Variants in SGIP1 observed in about 807,000 individuals in gnomAD.
The protein encoded by SGIP1 is SH3-containing GRB2-like protein 3-interacting protein 1.
In SGIP1, 38 loss-of-function variants were observed where a neutral mutation model predicts 107.5. The ratio of observed to expected loss-of-function variants is 0.35; its 90% CI spans 0.27 to 0.46. The LOEUF is 0.46. SGIP1 is among the 20% of genes least tolerant of loss of function. The pLI, the probability that SGIP1 is intolerant of heterozygous loss-of-function variation, is 1.00. For missense variants in SGIP1, 929 were observed against 1,019.5 expected (o/e 0.91, Z 1.21); for synonymous variants, 365 against 366.1 (o/e 1.00, Z 0.03).
intron 17 of SGIP1, chr1:66,694,628 G>C (rs2090516280): frequency 7.6e-6 from 5 of 654,766 alleles, no homozygotes; most frequent in Middle Eastern, 5.1e-4. Context: ...CCTCTCAGAT[G>C]CACCCTGTAT....
intron 18 of SGIP1, among the ~76,000 whole-genome samples, chr1:66,699,871 G>A (rs1177111732): frequency 6.6e-6 from 1 of 152,162 alleles, no homozygotes; most frequent in African/African-American, 2.4e-5. Context: ...GGAGCATAGT[G>A]AGGGTTGCAG....
At chr1:66,632,921 T>G in intron 2 of SGIP1, 149 bp from the exon 3 acceptor site, 1 of 693,168 alleles carries the variant, frequency 1.4e-6, no homozygotes, top group Non-Finnish European at 2.6e-6. Flanking sequence ...ACCAATTTGT[T>G]TTGATTTAGT....
intron 7 of SGIP1, among the ~76,000 whole-genome samples, chr1:66,650,665 C>A (rs753863357): frequency 1.8e-4 from 27 of 152,314 alleles, no homozygotes; most frequent in Non-Finnish European, 3.2e-4. Context: ...TCTGACACAT[C>A]TGCACCATGT....
intron 12 of SGIP1, among the ~76,000 whole-genome samples, chr1:66,675,295 G>A (rs1048085406): frequency 3.3e-5 from 5 of 152,190 alleles, no homozygotes; most frequent in East Asian, 3.9e-4. Context: ...AAAACAGAGC[G>A]AAGTCCACCT....
chr1:66,610,172 G>T (rs144272796), intron 1 of SGIP1, among the ~76,000 whole-genome samples: 222 of 152,238 alleles, frequency 1.5e-3, no homozygotes, highest in African/African-American at 5.1e-3. Flanking sequence ...TATATTTAGT[G>T]TAGAAGTAGA....
At chr1:66,542,091 G>A (rs1357798700) in intron 1 of SGIP1, among the ~76,000 whole-genome samples, 1 of 151,740 alleles carries the variant, frequency 6.6e-6, no homozygotes, top group East Asian at 1.9e-4. Context: ...AACCCTATAT[G>A]CACTATGCTT....
chr1:66,595,798 G>A (rs1323124488), intron 1 of SGIP1, among the ~76,000 whole-genome samples: 2 of 152,180 alleles, frequency 1.3e-5, no homozygotes, highest in Non-Finnish European at 2.9e-5. Flanking sequence ...AGGGCATTAT[G>A]TTGTGTTGAA....
intron 21 of SGIP1, among the ~76,000 whole-genome samples, chr1:66,735,335 C>T (rs2094186539): frequency 6.6e-6 from 1 of 152,206 alleles, no homozygotes; most frequent in African/African-American, 2.4e-5. Context: ...CCTGCCTCAG[C>T]CTCCCAAGTA....
intron 19 of SGIP1, among the ~76,000 whole-genome samples, chr1:66,727,753 G>T (rs1224055676): frequency 6.6e-6 from 1 of 152,104 alleles, no homozygotes; most frequent in African/African-American, 2.4e-5. Context: ...ATAATTATGT[G>T]CAGTGAAAGA....
chr1:66,553,985 T>G (rs935834969), intron 1 of SGIP1, among the ~76,000 whole-genome samples: 13 of 152,110 alleles, frequency 8.5e-5, no homozygotes, highest in African/African-American at 3.1e-4. Flanking sequence ...CAGGCCTCAT[T>G]TATTCATTGC....
chr1:66,597,565 A>G (rs913389215), intron 1 of SGIP1, among the ~76,000 whole-genome samples: 5 of 152,202 alleles, frequency 3.3e-5, no homozygotes, highest in African/African-American at 1.2e-4. Context: ...CTTAGCCCTG[A>G]TTCTCCAGTC....
intron 19 of SGIP1, among the ~76,000 whole-genome samples, chr1:66,725,018 A>G (rs945069486): frequency 1.3e-5 from 2 of 152,208 alleles, no homozygotes; most frequent in African/African-American, 4.8e-5. Flanking sequence ...CAAGGTTCAG[A>G]ACCAATTTGG....
At chr1:66,553,774 C>T (rs527871189) in intron 1 of SGIP1, among the ~76,000 whole-genome samples, 8 of 152,180 alleles carry the variant, frequency 5.3e-5, no homozygotes, top group South Asian at 2.1e-4. Context: ...AGTGCTGCTC[C>T]CTTCACTTTG....
At chr1:66,651,788 A>G (rs1340452314) in intron 7 of SGIP1, among the ~76,000 whole-genome samples, 1 of 152,190 alleles carries the variant, frequency 6.6e-6, no homozygotes, top group East Asian at 1.9e-4. Context: ...GTGATTTCTC[A>G]TTTATTAAAA....
At chr1:66,650,548 C>T (rs1329978) in intron 7 of SGIP1, among the ~76,000 whole-genome samples, 102,341 of 151,934 alleles carry the variant, frequency 0.67, 35,691 homozygotes, top group East Asian at 1. Context: ...TTTTCTGCAG[C>T]CCACATTCCC....
chr1:66,634,028 A>G (rs2075308189), intron 3 of SGIP1: 1 of 1,471,686 alleles, frequency 6.8e-7, no homozygotes. Context: ...TTAAGAAAAT[A>G]GACTGAAATT....
At position 66,744,976 on chromosome 1, in the gene SGIP1, G is replaced by A. The variant is rs1262044626; in HGVS notation, c.*1881G>A. ...CAAAATCAATGGAGAGTAAGCAGCAGCAAACTGAGAATTATCCAGCATATG... is the reference window on the plus strand; with the variant it reads ...CAAAATCAATGGAGAGTAAGCAGCAACAAACTGAGAATTATCCAGCATATG... On this transcript the variant is annotated 3_prime_UTR_variant, in exon 25 of 25. Transcript: ENST00000371037. 1 of 152,368 alleles carries A rather than the reference G, an allele frequency of 6.6e-6. No individual in the cohort carries two copies. The highest frequency in any genetic ancestry group is 1.5e-5 in the Non-Finnish European group (1 of 67,884). 9.4% of individuals were successfully genotyped at this position (152,368 alleles called of 1,614,324 possible). A position where few individuals can be genotyped will look rare whatever the true frequency, so the allele number is the denominator to read the frequency against.
chr1:66,673,725 T>C (rs2084453919), intron 12 of SGIP1, among the ~76,000 whole-genome samples: 1 of 152,204 alleles, frequency 6.6e-6, no homozygotes, highest in South Asian at 2.1e-4. Flanking sequence ...CAGACCTTCA[T>C]ACATCCGTCA....
At chr1:66,713,855 A>G (rs1277155800) in intron 18 of SGIP1, among the ~76,000 whole-genome samples, 2 of 152,194 alleles carry the variant, frequency 1.3e-5, no homozygotes, top group Non-Finnish European at 2.9e-5. Context: ...CAAAATCAAT[A>G]TAATAGCCAC....
Sources: gnomAD v4.1 joint callset for allele counts (sites outside exome capture counted in the v4.1 genomes callset) on GRCh38, gnomAD v4.1.1 for gene constraint, MANE v1.5 for transcripts, NCBI Gene and HGNC (gene_info 2026-07-23, HGNC 2026-07-21) for gene names.